Variants in KBTBD8 observed in about 807,000 individuals in gnomAD.
The protein encoded by KBTBD8 is kelch repeat and BTB domain containing 8.
In KBTBD8, 31 loss-of-function variants were observed where a neutral mutation model predicts 53.5. The observed-to-expected ratio is 0.58, with a 90% confidence interval of 0.44 to 0.78. The LOEUF is 0.78. Ranked by LOEUF, KBTBD8 falls within the 30% of genes least tolerant of loss-of-function variation. KBTBD8 has a pLI of 0.00. For synonymous variants in KBTBD8, 250 were observed against 247.3 expected (o/e 1.01, Z -0.10); for missense variants, 642 against 735.8 (o/e 0.87, Z 1.48).
chr3:67,008,212 G>T lies in KBTBD8; in HGVS notation c.1633G>T (p.Val545Phe). ...ATTTGTTCGAGCTACTCAAGTGACT[G>T]TTGAAGAACACGTCTTCAGAACCAG... Reference protein sequence around the residue: ...HLFVRATQVTVEEHVFRTSRK... With the variant: ...HLFVRATQVTFEEHVFRTSRK... Residue 545 changes from valine to phenylalanine, a missense_variant, in exon 4 of 4, where the codon GTT becomes TTT. Coordinates refer to ENST00000417314, the MANE Select transcript of KBTBD8 (RefSeq NM_032505.3). The T allele has an allele frequency of 6.2e-7, 1 of 1,614,100 alleles. No individual in the cohort carries two copies. Among genetic ancestry groups the T allele is most frequent in the South Asian group, 1.1e-5 (1 of 91,080 alleles).
At position 67,008,223 on chromosome 3, in the gene KBTBD8, C is replaced by A; in HGVS notation, c.1644C>A (p.His548Gln). 6.2e-7 allele frequency: 1 copy of A among 1,614,060 alleles called. No homozygotes were observed. Among genetic ancestry groups the A allele is most frequent in the Non-Finnish European group, 8.5e-7 (1 of 1,179,986 alleles). Residue 548 changes from histidine (H) to glutamine (Q), a missense_variant, in exon 4 of 4, where the codon CAC becomes CAA. Physicochemically the swap from His to Gln is conservative, Grantham distance 24. Transcript: ENST00000417314. Reference protein sequence around the residue: ...VRATQVTVEEHVFRTSRKNSL... With the variant: ...VRATQVTVEEQVFRTSRKNSL... ...CTACTCAAGTGACTGTTGAAGAACA[C>A]GTCTTCAGAACCAGCAGAAAAAATT...
At position 67,008,397 on chromosome 3, in the gene KBTBD8, G is replaced by T. The variant is rs1295754023; in HGVS notation, c.*12G>T. 7.2e-6 allele frequency: 11 copies of T among 1,535,104 alleles called. No individual in the cohort carries two copies. The highest frequency in any genetic ancestry group is 9.8e-6 in the Non-Finnish European group (11 of 1,117,342). On this transcript the variant is annotated 3_prime_UTR_variant, in exon 4 of 4. Transcript: ENST00000417314. The stretch of plus-strand genomic sequence containing the variant: ...AGAAAGTACTCTAAATGAGTAGCAG[G>T]CCTTAGTGCATCACTGGCATCTCAT...
chr3:66,998,566 G>A (rs941755159), intron 1 of KBTBD8, among the ~76,000 whole-genome samples, 195 bp downstream of exon 1: 1 of 152,158 alleles, frequency 6.6e-6, no homozygotes, highest in Non-Finnish European at 1.5e-5. Context: ...GGATGGGGAG[G>A]CTGGGTACCC....
At chr3:67,007,704 A>T (rs1274395183) in intron 3 of KBTBD8, among the ~76,000 whole-genome samples, 3 of 152,168 alleles carry the variant, frequency 2.0e-5, no homozygotes, top group Admixed American at 1.3e-4. Flanking sequence ...CAGGTTGATT[A>T]TAATATTATC....
Position 67,003,362 on chromosome 3 carries a change from T to A in KBTBD8, c.395T>A (p.Ile132Asn). The change falls in exon 3 of 4, where the codon ATT (isoleucine) becomes AAT (asparagine). Residue 132 changes from isoleucine to asparagine, a missense_variant. Transcript: ENST00000417314. The stretch of plus-strand genomic sequence containing the variant: ...TTCACTGCAGCTAGCATCTTCCAGA[T>A]TCCTTCCATCCAAGACCAATGTGCT... The part of the protein sequence containing the change: ...ALFTAASIFQ[I>N]PSIQDQCAKY... 6.2e-7 allele frequency: 1 copy of A among 1,614,192 alleles called. No individual in the cohort carries two copies. Among genetic ancestry groups the A allele is most frequent in the Non-Finnish European group, 8.5e-7 (1 of 1,180,030 alleles).
chr3:67,005,483 A>T (rs1032133459), intron 3 of KBTBD8, among the ~76,000 whole-genome samples: 1 of 152,194 alleles, frequency 6.6e-6, no homozygotes, highest in South Asian at 2.1e-4. Flanking sequence ...CTAGGTGTGT[A>T]GTAAGCTCCC....
chr3:67,007,104 C>T (rs1434600964), intron 3 of KBTBD8, among the ~76,000 whole-genome samples: 1 of 152,154 alleles, frequency 6.6e-6, no homozygotes, highest in Non-Finnish European at 1.5e-5. Context: ...CAGGTAAGCA[C>T]ATCAGTGACC....
At position 67,008,598 on chromosome 3, in the gene KBTBD8, AT is replaced by A. The variant is rs991727275; in HGVS notation, c.*222del. ...AAGATAACAAAGTGCAATTATCAGC[AT>A]TTTTTTTTCCTGGCATAAAATTAAT... On this transcript the variant is annotated 3_prime_UTR_variant, in exon 4 of 4. Transcript: ENST00000417314. The A allele has an allele frequency of 5.7e-4, 274 of 480,610 alleles. No homozygotes were observed. The highest frequency in any genetic ancestry group is 1.5e-3 in the East Asian group (50 of 32,352). 29.8% of individuals were successfully genotyped at this position (480,610 alleles called of 1,614,324 possible).
At chr3:67,002,548 A>T (rs1185763649) in intron 2 of KBTBD8, among the ~76,000 whole-genome samples, 2 of 113,768 alleles carry the variant, frequency 1.8e-5, no homozygotes, top group South Asian at 2.7e-4. Flanking sequence ...ATGGAGTCTC[A>T]CTCTGTCTTC....
Position 67,003,627 on chromosome 3 carries a change from G to C in KBTBD8, c.660G>C (p.Trp220Cys). Residue 220 changes from tryptophan to cysteine, a missense_variant, in exon 3 of 4, where the codon TGG becomes TGC. Physicochemically the swap from Trp to Cys is radical, Grantham distance 215 (BLOSUM62 -2). Coordinates refer to ENST00000417314, the MANE Select transcript of KBTBD8 (RefSeq NM_032505.3). ...EEHVYESIIR[W>C]FEHEQNEREV... ...ATGTTTATGAAAGCATTATAAGGTGGTTTGAGCATGAACAGAATGAAAGAG... is the reference window on the plus strand; with the variant it reads ...ATGTTTATGAAAGCATTATAAGGTGCTTTGAGCATGAACAGAATGAAAGAG... 6.2e-7 allele frequency: 1 copy of C among 1,614,082 alleles called. No individual in the cohort carries two copies. The highest frequency in any genetic ancestry group is 8.5e-7 in the Non-Finnish European group (1 of 1,180,002).
chr3:67,003,164 C>T lies in KBTBD8; in HGVS notation c.228-31C>T, dbSNP rs764424631. 2.6e-5 allele frequency: 42 copies of T among 1,587,398 alleles called. No individual in the cohort carries two copies. The East Asian group carries it at 4.7e-4, about 18-fold the overall frequency. On this transcript the variant is annotated intron_variant, in intron 2 of 3. Coordinates refer to ENST00000417314, the MANE Select transcript of KBTBD8 (RefSeq NM_032505.3). Reference sequence around the variant, plus strand: ...CACAATAATTTTGATTTATAGCACACGTGTAATATTAACCACTCTTTCCTT... The same window carrying T: ...CACAATAATTTTGATTTATAGCACATGTGTAATATTAACCACTCTTTCCTT...
intron 3 of KBTBD8, among the ~76,000 whole-genome samples, chr3:67,006,053 T>G (rs1242555251): frequency 6.6e-6 from 1 of 152,224 alleles, no homozygotes; most frequent in Non-Finnish European, 1.5e-5. Context: ...ACTCTCTGGT[T>G]CCTTATTTTA....
rs149606575 is a variant in KBTBD8, at chr3:67,008,625, C to T, written c.*240C>T. On this transcript the variant is annotated 3_prime_UTR_variant, in exon 4 of 4. Transcript: ENST00000417314. Reference sequence around the variant, plus strand: ...TTTTTTTTCCTGGCATAAAATTAATCATTTCATTTTATAATTTTGTGATAA... The same window carrying T: ...TTTTTTTTCCTGGCATAAAATTAATTATTTCATTTTATAATTTTGTGATAA... The T allele has an allele frequency of 1.8e-3, 814 of 460,232 alleles. 6 individuals are homozygous for T. Among genetic ancestry groups the T allele is most frequent in the African/African-American group, 0.012 (637 of 51,802 alleles). The allele number at this position is 460,232 out of a possible 1,614,324, so 28.5% of individuals were successfully genotyped here. A position where few individuals can be genotyped will look rare whatever the true frequency, so the allele number is the denominator to read the frequency against.
chr3:67,011,172 G>A lies in KBTBD8; in HGVS notation c.*2787G>A, dbSNP rs1401983095. On this transcript the variant is annotated 3_prime_UTR_variant, in exon 4 of 4. Transcript: ENST00000417314. ...ACAATTTTTTGCATTTTTACCTGAT[G>A]TCATTGTTTCTTATAATAAAACCTT... The A allele has an allele frequency of 1.3e-5, 2 of 152,518 alleles. No homozygotes were observed. Among genetic ancestry groups the A allele is most frequent in the Non-Finnish European group, 2.9e-5 (2 of 67,996 alleles). 9.4% of individuals were successfully genotyped at this position (152,518 alleles called of 1,614,324 possible). A position where few individuals can be genotyped will look rare whatever the true frequency, so the allele number is the denominator to read the frequency against.
intron 3 of KBTBD8, among the ~76,000 whole-genome samples, chr3:67,005,735 G>T (rs1575580274): frequency 6.6e-6 from 1 of 151,284 alleles, no homozygotes. Context: ...GAGTGCAGTG[G>T]CATGATCTTG....
In KBTBD8 at chr3:67,009,951, C is replaced by T. The variant is rs1392637723; in HGVS notation, c.*1566C>T. 1 of 152,544 alleles carries T rather than the reference C, an allele frequency of 6.6e-6. No individual in the cohort carries two copies. Among genetic ancestry groups the T allele is most frequent in the Admixed American group, 6.5e-5 (1 of 15,272 alleles). 9.4% of individuals were successfully genotyped at this position (152,544 alleles called of 1,614,324 possible). A position where few individuals can be genotyped will look rare whatever the true frequency, so the allele number is the denominator to read the frequency against. ...AACATTGCCTCTTTGCATCACATAC[C>T]TCGTTTTTCAGAAACTTTCCAAACT... On this transcript the variant is annotated 3_prime_UTR_variant, in exon 4 of 4. Coordinates refer to ENST00000417314, the MANE Select transcript of KBTBD8 (RefSeq NM_032505.3).
In KBTBD8 at chr3:66,998,439, A is replaced by C. The variant is rs964939061; in HGVS notation, c.16+68A>C. ...GGGAAGGTGGGCCGGGGCCGGCCAC[A>C]GGCAGTGGGATGAGGACGTAGCGGT... On this transcript the variant is annotated intron_variant, in intron 1 of 3. Coordinates refer to ENST00000417314, the MANE Select transcript of KBTBD8 (RefSeq NM_032505.3). The C allele has an allele frequency of 5.2e-5, 61 of 1,173,998 alleles. No homozygotes were observed. The East Asian group carries it at 1.1e-3, about 22-fold the overall frequency. The allele number at this position is 1,173,998 out of a possible 1,614,324, so 72.7% of individuals were successfully genotyped here.
At chr3:67,001,453 A>G (rs773660898) in intron 2 of KBTBD8, among the ~76,000 whole-genome samples, 35 of 152,334 alleles carry the variant, frequency 2.3e-4, no homozygotes, top group Admixed American at 1.4e-3. Context: ...GTTTACATGA[A>G]GAACTTACTA....
chr3:67,002,509 A>ATT (rs1702026169), intron 2 of KBTBD8, among the ~76,000 whole-genome samples: 4 of 91,442 alleles, frequency 4.4e-5, no homozygotes, highest in African/African-American at 1.6e-4. Context: ...CTTTATAGGT[A>ATT]TTCTTTTTTT....
Sources: allele counts gnomAD v4.1 joint callset (sites outside exome capture counted in the v4.1 genomes callset), GRCh38; gene constraint gnomAD v4.1.1; transcripts MANE v1.5; gene names NCBI Gene and HGNC (gene_info 2026-07-23, HGNC 2026-07-21).